Variants in CUL3 observed in about 807,000 individuals in gnomAD.
CUL3 encodes cullin 3.
CUL3 carries 19 observed loss-of-function variants against 89.1 expected under a neutral mutation model. The ratio of observed to expected loss-of-function variants is 0.21; its 90% CI spans 0.15 to 0.31. CUL3 has a LOEUF of 0.31. Among genes scored for constraint, CUL3 ranks in the 10% least tolerant of loss-of-function variants. CUL3 has a pLI of 1.00. For missense variants in CUL3, 469 were observed against 942.3 expected (o/e 0.50, Z 6.58); for synonymous variants, 351 against 308.4 (o/e 1.14, Z -1.45).
At chr2:224,531,258 T>C (rs1243385442) in intron 3 of CUL3, among the ~76,000 whole-genome samples, 3 of 151,900 alleles carry the variant, frequency 2.0e-5, no homozygotes, top group Admixed American at 1.3e-4. Flanking sequence ...AGCAAATTTT[T>C]TGTGTTTTTA....
intron 3 of CUL3, among the ~76,000 whole-genome samples, chr2:224,522,592 C>T (rs1693306613): frequency 6.6e-6 from 1 of 152,126 alleles, no homozygotes; most frequent in East Asian, 1.9e-4. Context: ...TCTTGGGAGG[C>T]CGAGGCGGGC....
Position 224,505,972 on chromosome 2 carries a change from T to C in CUL3, c.1190A>G (p.Lys397Arg), listed in dbSNP as rs1005070927. The part of the protein sequence containing the change: ...YLSLFIDDKL[K>R]KGVKGLTEQE... ...ACTACTTACCCCTTTGACTCCCTTT[T>C]TCAGCTTATCATCAATAAATAATGA... Residue 397 changes from lysine to arginine, a missense_variant, in exon 8 of 16, where the codon AAA becomes AGA. Lys to Arg is a conservative substitution (Grantham distance 26, BLOSUM62 2). Coordinates refer to ENST00000264414, the MANE Select transcript of CUL3 (RefSeq NM_003590.5). 6.3e-7 allele frequency: 1 copy of C among 1,596,098 alleles called. No homozygotes were observed. Among genetic ancestry groups the C allele is most frequent in the Admixed American group, 1.7e-5 (1 of 58,436 alleles).
chr2:224,509,750 T>A (rs1006624128), intron 6 of CUL3, among the ~76,000 whole-genome samples: 2 of 152,204 alleles, frequency 1.3e-5, no homozygotes, highest in Non-Finnish European at 2.9e-5. Context: ...ACATTTCCTA[T>A]CCCCTAAGGT....
intron 2 of CUL3, among the ~76,000 whole-genome samples, chr2:224,545,763 T>C (rs546361250): frequency 2.0e-4 from 30 of 152,142 alleles, no homozygotes; most frequent in Non-Finnish European, 4.1e-4. Flanking sequence ...ATGACCTCAA[T>C]ACAAAGTAGA....
intron 3 of CUL3, among the ~76,000 whole-genome samples, chr2:224,516,378 G>A (rs1164704359): frequency 4.2e-4 from 63 of 149,036 alleles, no homozygotes; most frequent in Non-Finnish European, 1.2e-4. Context: ...GTGCAGTGGC[G>A]TGACCTTGGC....
At chr2:224,557,363 G>GA (rs145172584) in intron 2 of CUL3, among the ~76,000 whole-genome samples, 5 of 151,720 alleles carry the variant, frequency 3.3e-5, no homozygotes, top group Admixed American at 6.6e-5. Flanking sequence ...TCATTTTAAG[G>GA]AAAAAAATTC....
At chr2:224,495,739 G>T (rs1010183720) in intron 13 of CUL3, 93 bp downstream of exon 13, 1 of 1,034,840 alleles carries the variant, frequency 9.7e-7, no homozygotes, top group Non-Finnish European at 1.4e-6. Flanking sequence ...TACCCAAAGA[G>T]ACTCTCTAAA....
intron 1 of CUL3, among the ~76,000 whole-genome samples, chr2:224,563,702 C>T (rs1228165826): frequency 6.6e-6 from 1 of 152,142 alleles, no homozygotes; most frequent in Non-Finnish European, 1.5e-5. Flanking sequence ...GGATGTGAAT[C>T]CTGAATTACA....
chr2:224,470,930 T>C lies in CUL3; in HGVS notation c.*3315A>G. 4.4e-6 allele frequency: 1 copy of C among 229,108 alleles called. No homozygotes were observed. Among genetic ancestry groups the C allele is most frequent in the Non-Finnish European group, 8.7e-6 (1 of 115,540 alleles). The allele number at this position is 229,108 out of a possible 1,614,324, so 14.2% of individuals were successfully genotyped here. On this transcript the variant is annotated 3_prime_UTR_variant, in exon 16 of 16. Transcript: ENST00000264414. ...TAGGATTAAACCTAGGTCCAACTCC[T>C]GGCTCTGCCATTTCCTGCTAGCAAC...
rs1694159030 is a variant in CUL3, at chr2:224,542,606, CTGT to C, written c.265-6968_265-6966del. ...ATGCGTGTGTAGGTAAGGGGTCTTACTGTTTTGCCCAAGCTGGTCTCGAAGTCC... is the reference window on the plus strand; with the variant it reads ...ATGCGTGTGTAGGTAAGGGGTCTTACTTTGCCCAAGCTGGTCTCGAAGTCC... On this transcript the variant is annotated intron_variant, in intron 2 of 15. Transcript: ENST00000264414. Among the ~76,000 whole-genome samples the C allele has an allele frequency of 2.0e-5, 3 of 152,192 alleles. No individual in the cohort carries two copies. In the South Asian group the frequency reaches 6.2e-4, roughly 32 times the overall value.
At chr2:224,482,227 C>A (rs948259164) in intron 13 of CUL3, 149 bp from the exon 14 acceptor site, 1 of 535,428 alleles carries the variant, frequency 1.9e-6, no homozygotes, top group Non-Finnish European at 3.2e-6. Context: ...TACTATGACA[C>A]ATCATTAAAA....
chr2:224,532,597 T>A (rs934473538), intron 3 of CUL3, among the ~76,000 whole-genome samples: 1 of 151,962 alleles, frequency 6.6e-6, no homozygotes, highest in African/African-American at 2.4e-5. Flanking sequence ...GTATTCAAAG[T>A]GTATGAAAGA....
intron 2 of CUL3, among the ~76,000 whole-genome samples, chr2:224,545,319 A>T (rs2106282804): frequency 6.6e-6 from 1 of 152,288 alleles, no homozygotes; most frequent in East Asian, 1.9e-4. Context: ...GATCAGAAAA[A>T]TTATACCAGT....
rs1044640951 is a variant in CUL3 at position 224,471,628 on chromosome 2, A to C, written c.*2617T>G. The C allele has an allele frequency of 4.7e-6, 1 of 211,426 alleles. No homozygotes were observed. The highest frequency in any genetic ancestry group is 2.3e-5 in the African/African-American group (1 of 44,134). The allele number at this position is 211,426 out of a possible 1,614,324, so 13.1% of individuals were successfully genotyped here. Reference sequence around the variant, plus strand: ...CTAGCATACCTTTAGAAAGGCATGCATCTCTTCCCCCATTCCCTTTTTAAG... The same window carrying C: ...CTAGCATACCTTTAGAAAGGCATGCCTCTCTTCCCCCATTCCCTTTTTAAG... On this transcript the variant is annotated 3_prime_UTR_variant, in exon 16 of 16. Coordinates refer to ENST00000264414, the MANE Select transcript of CUL3 (RefSeq NM_003590.5).
chr2:224,502,203 A>T (rs1692419490), intron 10 of CUL3, among the ~76,000 whole-genome samples: 1 of 152,222 alleles, frequency 6.6e-6, no homozygotes, highest in Admixed American at 6.5e-5. Flanking sequence ...ATGATCTCAT[A>T]TTTAGATACC....
chr2:224,557,881 GACA>G (rs1694765848), intron 1 of CUL3, 25 bp from the exon 2 acceptor site: 6 of 53,704 alleles, frequency 1.1e-4, no homozygotes, highest in Middle Eastern at 4.2e-3. Flanking sequence ...AGAGAGAAGA[GACA>G]AAAAAAAAAA....
rs575970888 is a variant in CUL3, at chr2:224,544,821, A to G, written c.265-9180T>C. 1.5e-4 allele frequency among the ~76,000 whole-genome samples: 22 copies of G among 151,674 alleles called. No homozygotes were observed. In the South Asian group the frequency reaches 4.0e-3, roughly 27 times the overall value. Reference sequence around the variant, plus strand: ...AGGACAGCTGACAGAACTGTTTGAGAAAAAAGCTTCATGGCTCTTTCCCTC... The same window carrying G: ...AGGACAGCTGACAGAACTGTTTGAGGAAAAAGCTTCATGGCTCTTTCCCTC... On this transcript the variant is annotated intron_variant, in intron 2 of 15. Coordinates refer to ENST00000264414, the MANE Select transcript of CUL3 (RefSeq NM_003590.5).
intron 11 of CUL3, 82 bp downstream of exon 11, chr2:224,500,281 T>C (rs1039953470): frequency 2.0e-6 from 3 of 1,486,196 alleles, no homozygotes; most frequent in African/African-American, 2.8e-5. Context: ...TCATCCTCAA[T>C]TACGGATACT....
intron 1 of CUL3, among the ~76,000 whole-genome samples, chr2:224,566,475 C>T (rs149713302): frequency 0.01 from 1,543 of 152,334 alleles, 13 homozygotes; most frequent in Non-Finnish European, 0.018. Context: ...CTCTCCTTTA[C>T]TAGTCAATAT....
Sources: gnomAD v4.1 joint callset for allele counts (sites outside exome capture counted in the v4.1 genomes callset) on GRCh38, gnomAD v4.1.1 for gene constraint, MANE v1.5 for transcripts, NCBI Gene and HGNC (gene_info 2026-07-23, HGNC 2026-07-21) for gene names.